The following COL23A1 variants were observed in gnomAD, a reference collection of about 807,000 sequenced individuals.
The protein encoded by COL23A1 is collagen type XXIII alpha 1 chain.
COL23A1 carries 97 observed loss-of-function variants against 99.3 expected under a neutral mutation model. The observed-to-expected ratio is 0.98, with a 90% CI of 0.83 to 1.16. The LOEUF is 1.16. Among genes scored for constraint, COL23A1 ranks in the 50% most tolerant of loss-of-function variants. The pLI, the probability that COL23A1 is intolerant of heterozygous loss-of-function variation, is 0.00. For missense variants in COL23A1, 762 were observed against 757.4 expected (o/e 1.01, Z -0.07); for synonymous variants, 320 against 308.2 (o/e 1.04, Z -0.40).
intron 2 of COL23A1, among the ~76,000 whole-genome samples, chr5:178,390,995 CA>C (rs1763934844): frequency 6.6e-6 from 1 of 152,214 alleles, no homozygotes; most frequent in African/African-American, 2.4e-5. Context: ...GGCTGTGGAC[CA>C]GTTTGTGGCC....
chr5:178,567,540 C>A (rs996241636), intron 1 of COL23A1, among the ~76,000 whole-genome samples: 1 of 152,110 alleles, frequency 6.6e-6, no homozygotes, highest in Non-Finnish European at 1.5e-5. Context: ...GTCAGGAGTT[C>A]AACACCAGCC....
intron 1 of COL23A1, among the ~76,000 whole-genome samples, chr5:178,586,167 TGAC>T (rs1763996359): frequency 6.6e-6 from 1 of 152,352 alleles, no homozygotes; most frequent in Admixed American, 6.5e-5. Flanking sequence ...CAGGATGCGC[TGAC>T]CGTCTTCCAA....
intron 5 of COL23A1, among the ~76,000 whole-genome samples, chr5:178,283,559 G>A (rs1330843253): frequency 6.6e-6 from 1 of 152,138 alleles, no homozygotes; most frequent in African/African-American, 2.4e-5. Flanking sequence ...TCTCTTGTAA[G>A]TACATTAAAT....
At chr5:178,275,200 A>G (rs1390933017) in intron 5 of COL23A1, among the ~76,000 whole-genome samples, 3 of 152,214 alleles carry the variant, frequency 2.0e-5, no homozygotes, top group South Asian at 2.1e-4. Context: ...AACAAGTTCA[A>G]ATTGGGTCCC....
chr5:178,324,130 G>A (rs1278150301), intron 2 of COL23A1, among the ~76,000 whole-genome samples: 1 of 152,052 alleles, frequency 6.6e-6, no homozygotes, highest in Non-Finnish European at 1.5e-5. Context: ...GTGTGGGTGG[G>A]CTGAGGCCCT....
At chr5:178,530,870 A>C (rs1248792239) in intron 2 of COL23A1, among the ~76,000 whole-genome samples, 1 of 152,146 alleles carries the variant, frequency 6.6e-6, no homozygotes, top group Non-Finnish European at 1.5e-5. Flanking sequence ...GAATGAAATA[A>C]GCATTAATTT....
chr5:178,253,061 C>T (rs1297066147), intron 16 of COL23A1, among the ~76,000 whole-genome samples: 4 of 152,148 alleles, frequency 2.6e-5, no homozygotes, highest in Non-Finnish European at 5.9e-5. Flanking sequence ...TCTGCTGGGC[C>T]TAGGGAGTTC....
chr5:178,422,462 G>T (rs147169999), intron 2 of COL23A1, among the ~76,000 whole-genome samples: 29 of 152,310 alleles, frequency 1.9e-4, no homozygotes, highest in African/African-American at 6.7e-4. Flanking sequence ...GGGACTGAGG[G>T]CCAGAGGGCC....
At chr5:178,495,010 A>G (rs1021279182) in intron 2 of COL23A1, among the ~76,000 whole-genome samples, 5 of 152,188 alleles carry the variant, frequency 3.3e-5, no homozygotes, top group African/African-American at 1.2e-4. Flanking sequence ...CCATAGTCAG[A>G]TGTGGGTCTC....
chr5:178,340,691 C>T lies in COL23A1; in HGVS notation c.362-33772G>A, dbSNP rs564107600. Reference sequence around the variant, plus strand: ...GTTTGGCTGATGGCAAACTGGACACCGGGGATTCTAGTCCTCGGCCCTCCC... The same window carrying T: ...GTTTGGCTGATGGCAAACTGGACACTGGGGATTCTAGTCCTCGGCCCTCCC... On this transcript the variant is annotated intron_variant, in intron 2 of 28. Coordinates refer to ENST00000390654, the MANE Select transcript of COL23A1 (RefSeq NM_173465.4). This position sits in a 1 kb window ranked among gnomAD's most constrained non-coding sequence, Gnocchi z 4.7. Among the ~76,000 whole-genome samples, 4 of 152,216 alleles carry T rather than the reference C, an allele frequency of 2.6e-5. 1 individual carries two copies. Among genetic ancestry groups the T allele is most frequent in the African/African-American group, 2.4e-5 (1 of 41,456 alleles).
At chr5:178,300,721 GTATT>G (rs55980122) in intron 3 of COL23A1, among the ~76,000 whole-genome samples, 2 of 145,738 alleles carry the variant, frequency 1.4e-5, no homozygotes, top group East Asian at 2.0e-4. Context: ...GCTAGCTTTT[GTATT>G]TATTTATTTA....
At chr5:178,379,553 C>T (rs575773322) in intron 2 of COL23A1, among the ~76,000 whole-genome samples, 1 of 152,170 alleles carries the variant, frequency 6.6e-6, no homozygotes, top group Non-Finnish European at 1.5e-5. Flanking sequence ...TCATGTATTA[C>T]CCCTGTAATT....
chr5:178,376,005 C>T (rs1272949022), intron 2 of COL23A1, among the ~76,000 whole-genome samples: 6 of 152,206 alleles, frequency 3.9e-5, no homozygotes, highest in Admixed American at 3.9e-4. Flanking sequence ...CCACGCCCGG[C>T]TCCCATTCCC....
chr5:178,290,346 A>C lies in COL23A1; in HGVS notation c.414+16T>G, dbSNP rs74524910. ...CTTATCTTTCAGAAGCAGACAGCACAGTCCAGGACACTTACTGGAGGACCT... is the reference window on the plus strand; with the variant it reads ...CTTATCTTTCAGAAGCAGACAGCACCGTCCAGGACACTTACTGGAGGACCT... On this transcript the variant is annotated intron_variant, in intron 4 of 28. Transcript: ENST00000390654. 8.1e-4 allele frequency: 1,303 copies of C among 1,613,930 alleles called. 14 individuals are homozygous for C. In the African/African-American group the frequency reaches 0.015, roughly 19 times the overall value.
intron 2 of COL23A1, among the ~76,000 whole-genome samples, chr5:178,453,193 G>A (rs78090195): frequency 0.022 from 3,298 of 152,264 alleles, 122 homozygotes; most frequent in African/African-American, 0.075. Flanking sequence ...TGTAAAAAAG[G>A]AGAACAAGAG....
intron 1 of COL23A1, among the ~76,000 whole-genome samples, chr5:178,575,606 G>A (rs758147236): frequency 1.7e-4 from 26 of 152,158 alleles, no homozygotes; most frequent in Non-Finnish European, 2.6e-4. Context: ...TAGATGGGCA[G>A]TGGCAAAGCT....
chr5:178,421,455 G>C (rs1765628890), intron 2 of COL23A1, among the ~76,000 whole-genome samples: 1 of 152,058 alleles, frequency 6.6e-6, no homozygotes, highest in Admixed American at 6.5e-5. Context: ...TAAAGTCTCA[G>C]CACAAGATAA....
intron 2 of COL23A1, among the ~76,000 whole-genome samples, chr5:178,394,161 G>A (rs1764108770): frequency 6.6e-6 from 1 of 152,188 alleles, no homozygotes; most frequent in Admixed American, 6.5e-5. Context: ...GGAGGCCCAG[G>A]GCTCCAGCAC....
chr5:178,290,475 C>T lies in COL23A1; in HGVS notation c.407-106G>A, dbSNP rs1245995553. 6.9e-6 allele frequency: 10 copies of T among 1,443,764 alleles called. No individual in the cohort carries two copies. In the African/African-American group the frequency reaches 1.3e-4, roughly 19 times the overall value. 89.4% of individuals were successfully genotyped at this position (1,443,764 alleles called of 1,614,324 possible). ...TGTCCTCAGCACGGCTCCTGGCCAC[C>T]TCTCCCCGGAAGGCTTTGATGCTGC... On this transcript the variant is annotated intron_variant, in intron 3 of 28. Transcript: ENST00000390654.
Sources: allele counts gnomAD v4.1 joint callset (sites outside exome capture counted in the v4.1 genomes callset), GRCh38; gene constraint gnomAD v4.1.1; non-coding constraint Gnocchi (gnomAD v3.1); transcripts MANE v1.5; gene names NCBI Gene and HGNC (gene_info 2026-07-23, HGNC 2026-07-21).